GON4L: variants seen among roughly 807,000 people sequenced by gnomAD.
GON4L encodes gon-4 like.
A neutral mutation model predicts 211.8 loss-of-function variants in GON4L; 87 were observed. That is an observed-to-expected ratio of 0.41 (90% CI 0.35 to 0.49). GON4L has a LOEUF of 0.49. Among genes scored for constraint, GON4L ranks in the 20% least tolerant of loss-of-function variants. The probability of loss-of-function intolerance (pLI) is 0.15; values close to 1 mark genes in which losing one functional copy is unlikely to be tolerated. For synonymous variants in GON4L, 875 were observed against 962.6 expected (o/e 0.91, Z 1.68); for missense variants, 2,155 against 2,659.5 (o/e 0.81, Z 4.17).
Position 155,771,169 on chromosome 1 carries a change from A to G in GON4L, c.2544T>C (p.Asn848=). Residue 848 remains asparagine (N), a synonymous_variant, in exon 19 of 32, where the codon AAT becomes AAC. Transcript: ENST00000368331. ...TTAGAAGGTACTTGCTGATTAGAGGATTAGGAAACTCAGTTCCTTCAAAAT... is the reference window on the plus strand; with the variant it reads ...TTAGAAGGTACTTGCTGATTAGAGGGTTAGGAAACTCAGTTCCTTCAAAAT... ...LKHFEGTEFP[N]PLISKYLLTC... is the part of the protein sequence containing the mutation. 1 of 1,614,174 alleles carries G rather than the reference A, an allele frequency of 6.2e-7. No individual in the cohort carries two copies. Among genetic ancestry groups the G allele is most frequent in the Non-Finnish European group, 8.5e-7 (1 of 1,180,008 alleles).
intron 1 of GON4L, among the ~76,000 whole-genome samples, chr1:155,854,701 T>C (rs1672112069): frequency 6.6e-6 from 1 of 152,202 alleles, no homozygotes; most frequent in Non-Finnish European, 1.5e-5. Flanking sequence ...TTTCCATTAA[T>C]AGAAACAAAT....
intron 21 of GON4L, 164 bp downstream of exon 21, chr1:155,764,836 T>C (rs763177648): frequency 3.9e-6 from 6 of 1,528,214 alleles, no homozygotes; most frequent in Non-Finnish European, 5.4e-6. Flanking sequence ...CCTTTCCATC[T>C]CATTTCACCT....
chr1:155,810,082 G>A (rs569756982), intron 10 of GON4L, among the ~76,000 whole-genome samples: 3 of 148,622 alleles, frequency 2.0e-5, no homozygotes, highest in South Asian at 2.1e-4. Flanking sequence ...TGCAACCTCC[G>A]CTTCCTGGGT....
At chr1:155,774,622 G>A (rs1403786305) in intron 17 of GON4L, among the ~76,000 whole-genome samples, 3 of 152,022 alleles carry the variant, frequency 2.0e-5, no homozygotes, top group Non-Finnish European at 2.9e-5. Context: ...TGATCTTAAT[G>A]AAGACAGTAA....
chr1:155,748,468 C>T, downstream of GON4L: 1 of 1,609,924 alleles, frequency 6.2e-7, no homozygotes, highest in South Asian at 1.1e-5. Flanking sequence ...TTCCTTATCG[C>T]CTGTGTTCCT....
At chr1:155,816,022 A>T in intron 7 of GON4L, 122 bp from the exon 8 acceptor site, 1 of 732,964 alleles carries the variant, frequency 1.4e-6, no homozygotes, top group Non-Finnish European at 2.5e-6. Flanking sequence ...TGTACAGCTA[A>T]AGCAAATAAC....
At chr1:155,791,168 A>G (rs1407704412) in intron 12 of GON4L, among the ~76,000 whole-genome samples, 6 of 152,142 alleles carry the variant, frequency 3.9e-5, no homozygotes, top group Non-Finnish European at 8.8e-5. Context: ...AGGCTGAGGC[A>G]GGAGAACCGC....
intron 2 of GON4L, among the ~76,000 whole-genome samples, chr1:155,839,476 T>C (rs1670590030): frequency 6.6e-6 from 1 of 151,964 alleles, no homozygotes; most frequent in South Asian, 2.1e-4. Context: ...TGGTGAAACC[T>C]TGTCTCTACT....
At chr1:155,755,110 T>C (rs1248589275) in intron 27 of GON4L, among the ~76,000 whole-genome samples, 2 of 144,172 alleles carry the variant, frequency 1.4e-5, no homozygotes, top group African/African-American at 5.2e-5. Flanking sequence ...TCGCTCTTTC[T>C]CCCAGGCTGG....
At chr1:155,835,080 T>C (rs1021862348) in intron 2 of GON4L, among the ~76,000 whole-genome samples, 1 of 152,230 alleles carries the variant, frequency 6.6e-6, no homozygotes, top group African/African-American at 2.4e-5. Context: ...ATGGTTGCCG[T>C]GTCTGTGTAG....
Position 155,779,005 on chromosome 1 carries a change from G to A in GON4L, c.1893-1185C>T, listed in dbSNP as rs527368846. ...TTGTTGGCCGGACGCGGTGGCTCAC[G>A]CCTGTAATCCCAGCACTTTGGGAGG... is the stretch of plus-strand genomic sequence containing the variant. On this transcript the variant is annotated intron_variant, in intron 14 of 31. Coordinates refer to ENST00000368331, the MANE Select transcript of GON4L (RefSeq NM_001282860.2). Among the ~76,000 whole-genome samples the A allele has an allele frequency of 7.9e-4, 120 of 151,898 alleles. 1 individual carries two copies. The highest frequency in any genetic ancestry group is 6.8e-3 in the Admixed American group (104 of 15,240).
intron 2 of GON4L, among the ~76,000 whole-genome samples, chr1:155,852,094 G>A (rs1448661825): frequency 1.3e-5 from 2 of 151,190 alleles, no homozygotes; most frequent in Non-Finnish European, 2.9e-5. Context: ...GAACATGGGA[G>A]GTGGAGGTTG....
intron 1 of GON4L, among the ~76,000 whole-genome samples, chr1:155,856,201 CTCTT>C (rs1672262111): frequency 6.6e-6 from 1 of 151,834 alleles, no homozygotes; most frequent in Non-Finnish European, 1.5e-5. Flanking sequence ...GGTTAGATTT[CTCTT>C]TCTTCTTTTC....
intron 2 of GON4L, chr1:155,846,584 G>C (rs1486643645): frequency 6.6e-6 from 1 of 150,958 alleles, no homozygotes; most frequent in East Asian, 1.9e-4. Context: ...AGACGACAAA[G>C]AGAAAGATAA....
intron 16 of GON4L, among the ~76,000 whole-genome samples, chr1:155,775,453 T>C (rs1173738930): frequency 2.0e-5 from 3 of 151,804 alleles, no homozygotes; most frequent in African/African-American, 4.8e-5. Context: ...GAATGAGGAC[T>C]CATTTTTTTT....
At chr1:155,755,542 T>G (rs1661090284) in intron 27 of GON4L, among the ~76,000 whole-genome samples, 1 of 152,030 alleles carries the variant, frequency 6.6e-6, no homozygotes, top group African/African-American at 2.4e-5. Flanking sequence ...ACTCCTCACA[T>G]CGCCTGGGGA....
intron 10 of GON4L, among the ~76,000 whole-genome samples, chr1:155,809,976 TTATATATATATATAATTATATATA>T (rs1667568251): frequency 1.6e-3 from 123 of 77,750 alleles, no homozygotes; most frequent in East Asian, 2.6e-3. Context: ...TAATTATAAA[TTATATATATATATAATTATATATA>T]TATATATATT....
downstream of GON4L, among the ~76,000 whole-genome samples, chr1:155,749,023 G>A (rs1660361568): frequency 1.3e-5 from 2 of 152,168 alleles, no homozygotes; most frequent in African/African-American, 4.8e-5. Flanking sequence ...GGAGGCTGAG[G>A]TGGGCAGATC....
chr1:155,839,305 G>C (rs1670577273), intron 2 of GON4L, among the ~76,000 whole-genome samples: 1 of 151,536 alleles, frequency 6.6e-6, no homozygotes, highest in Admixed American at 6.6e-5. Flanking sequence ...AAAAAAAAAA[G>C]GATCTTATAT....
Sources: allele counts gnomAD v4.1 joint callset (sites outside exome capture counted in the v4.1 genomes callset), GRCh38; gene constraint gnomAD v4.1.1; transcripts MANE v1.5; gene names NCBI Gene and HGNC (gene_info 2026-07-23, HGNC 2026-07-21).